SPMAP2L: variants seen among roughly 807,000 people sequenced by gnomAD.
SPMAP2L encodes sperm microtubule associated protein 2-like.
At chr4:56,582,612 G>A in the SPMAP2L span, among the ~76,000 whole-genome samples, 3 of 152,126 alleles carry the variant, frequency 2.0e-5, no homozygotes, top group Non-Finnish European at 4.4e-5. Context: ...TACATTTCTG[G>A]TAGGAATGTA....
chr4:56,612,938 T>C, the SPMAP2L span, among the ~76,000 whole-genome samples: 74,004 of 151,894 alleles, frequency 0.49, 19,143 homozygotes, highest in African/African-American at 0.66. Flanking sequence ...TTTGAAGGGA[T>C]TCAAAATCTT....
At chr4:56,561,091 A>AT in the SPMAP2L span, among the ~76,000 whole-genome samples, 88 of 152,314 alleles carry the variant, frequency 5.8e-4, no homozygotes, top group African/African-American at 2.1e-3. Context: ...TTGCTTCAGA[A>AT]TGATATTTAC....
the SPMAP2L span, among the ~76,000 whole-genome samples, chr4:56,610,543 A>C: frequency 6.6e-6 from 1 of 152,234 alleles, no homozygotes; most frequent in African/African-American, 2.4e-5. Flanking sequence ...TTAGGCAAGG[A>C]TTTCATGACC....
chr4:56,596,358 T>C, the SPMAP2L span: 2 of 704,178 alleles, frequency 2.8e-6, no homozygotes, highest in Non-Finnish European at 4.1e-6. Context: ...CAGCTGTGAT[T>C]ATAGGTTACT....
the SPMAP2L span, chr4:56,596,366 A>T: frequency 1.3e-6 from 1 of 774,344 alleles, no homozygotes; most frequent in Non-Finnish European, 1.8e-6. Context: ...ATTATAGGTT[A>T]CTGCAAGATT....
the SPMAP2L span, among the ~76,000 whole-genome samples, chr4:56,546,931 T>G: frequency 6.6e-6 from 1 of 152,218 alleles, no homozygotes; most frequent in Non-Finnish European, 1.5e-5. Context: ...ATATCTGAAT[T>G]TAAAAGTTCC....
chr4:56,530,862 G>A, the SPMAP2L span: 1 of 1,534,952 alleles, frequency 6.5e-7, no homozygotes, highest in Non-Finnish European at 8.7e-7. Context: ...AGGAACCCGA[G>A]GAGGTCAGGG....
At chr4:56,568,087 C>G in the SPMAP2L span, among the ~76,000 whole-genome samples, 39 of 152,070 alleles carry the variant, frequency 2.6e-4, no homozygotes, top group African/African-American at 8.0e-4. Flanking sequence ...TTTGTCTCAC[C>G]CAGAGTATTT....
chr4:56,572,833 T>A, the SPMAP2L span, among the ~76,000 whole-genome samples: 1 of 152,096 alleles, frequency 6.6e-6, no homozygotes, highest in Non-Finnish European at 1.5e-5. Context: ...CTGGCCAACA[T>A]GGCAAAACCC....
chr4:56,548,907 G>A, the SPMAP2L span: 1 of 944,116 alleles, frequency 1.1e-6, no homozygotes, highest in Non-Finnish European at 1.4e-6. Flanking sequence ...TTTGACGTGG[G>A]TCTACCTTGG....
At chr4:56,621,124 G>A in the SPMAP2L span, among the ~76,000 whole-genome samples, 1 of 152,164 alleles carries the variant, frequency 6.6e-6, no homozygotes, top group Non-Finnish European at 1.5e-5. Context: ...ATTTAGATAG[G>A]AGAAAATGGT....
At chr4:56,615,748 AAAACAAAC>A in the SPMAP2L span, among the ~76,000 whole-genome samples, 1,144 of 150,694 alleles carry the variant, frequency 7.6e-3, 19 homozygotes, top group African/African-American at 0.023. Flanking sequence ...ACTGTATCTC[AAAACAAAC>A]AAACAAACAA....
chr4:56,595,256 C>T, the SPMAP2L span: 62 of 1,612,244 alleles, frequency 3.8e-5, no homozygotes, highest in East Asian at 2.5e-4. Flanking sequence ...ATTTTGGACA[C>T]GAGACCCTTC....
At chr4:56,567,546 C>T in the SPMAP2L span, among the ~76,000 whole-genome samples, 1 of 151,130 alleles carries the variant, frequency 6.6e-6, no homozygotes, top group Non-Finnish European at 1.5e-5. Flanking sequence ...GCCTCGGCCT[C>T]CCAAAGTGCT....
the SPMAP2L span, among the ~76,000 whole-genome samples, chr4:56,604,790 G>A: frequency 6.6e-6 from 1 of 152,224 alleles, no homozygotes; most frequent in South Asian, 2.1e-4. Flanking sequence ...AAGAGAGTGT[G>A]GTATATGTAC....
chr4:56,607,300 C>T, the SPMAP2L span, among the ~76,000 whole-genome samples: 1 of 152,108 alleles, frequency 6.6e-6, no homozygotes, highest in African/African-American at 2.4e-5. Flanking sequence ...AAGAAGGTGC[C>T]GTCTTGGAAG....
At chr4:56,576,204 C>G in the SPMAP2L span, among the ~76,000 whole-genome samples, 1 of 152,020 alleles carries the variant, frequency 6.6e-6, no homozygotes, top group African/African-American at 2.4e-5. Flanking sequence ...TATGTTATAC[C>G]TTAAGAAATG....
At chr4:56,576,896 T>A in the SPMAP2L span, among the ~76,000 whole-genome samples, 432 of 152,360 alleles carry the variant, frequency 2.8e-3, 13 homozygotes, top group South Asian at 0.065. Flanking sequence ...TGTACTTTTT[T>A]AAGTTTATAT....
the SPMAP2L span, chr4:56,592,890 T>C: frequency 6.2e-7 from 1 of 1,608,924 alleles, no homozygotes; most frequent in Non-Finnish European, 8.5e-7. Flanking sequence ...CAGAGAGAGA[T>C]GCTGCAGATC....
Sources: gnomAD v4.1 joint callset for allele counts (sites outside exome capture counted in the v4.1 genomes callset) on GRCh38, gnomAD v4.1.1 for gene constraint, MANE v1.5 for transcripts, NCBI Gene and HGNC (gene_info 2026-07-23, HGNC 2026-07-21) for gene names.